The following FDXR variants were observed in gnomAD, a reference collection of about 807,000 sequenced individuals.
The protein encoded by FDXR is ferredoxin reductase.
Under a neutral mutation model 58.3 loss-of-function variants are expected in FDXR, and 38 were observed. That is an observed-to-expected ratio of 0.65 (90% CI 0.50 to 0.85). FDXR has a LOEUF of 0.85. Ranked by LOEUF, FDXR falls within the 40% of genes least tolerant of loss-of-function variation. The pLI, the probability that FDXR is intolerant of heterozygous loss-of-function variation, is 0.00. For synonymous variants in FDXR, 275 were observed against 273.8 expected (o/e 1.00, Z -0.04); for missense variants, 624 against 671.0 (o/e 0.93, Z 0.77).
intron 3 of FDXR, 49 bp from the exon 4 acceptor site, chr17:74,866,617 A>G: frequency 6.2e-7 from 1 of 1,612,278 alleles, no homozygotes; most frequent in Non-Finnish European, 8.5e-7. Flanking sequence ...AGGCAGCTCC[A>G]GGGACCAAGT....
In FDXR at chr17:74,864,857, C is replaced by T; in HGVS notation, c.684G>A (p.Arg228=). The T allele has an allele frequency of 6.2e-7, 1 of 1,614,150 alleles. No individual in the cohort carries two copies. The highest frequency in any genetic ancestry group is 8.5e-7 in the Non-Finnish European group (1 of 1,180,014). ...TGAAGGCCACTTGCAGGGGTCCACGCCGGCCCACTAGCCACACTGTCTTCA... is the reference window on the plus strand; with the variant it reads ...TGAAGGCCACTTGCAGGGGTCCACGTCGGCCCACTAGCCACACTGTCTTCA... ...SRVKTVWLVG[R]RGPLQVAFTI... The change falls in exon 7 of 12, where the codon CGG becomes CGA. Residue 228 remains arginine (R), a synonymous_variant. Coordinates refer to ENST00000293195, the MANE Select transcript of FDXR (RefSeq NM_024417.5).
In FDXR at chr17:74,866,061, C is replaced by A; in HGVS notation, c.507+70G>T. 17 of 1,215,938 alleles carry A rather than the reference C, an allele frequency of 1.4e-5. 1 individual carries two copies. Among genetic ancestry groups the A allele is most frequent in the Non-Finnish European group, 2.0e-5 (17 of 832,962 alleles). The allele number at this position is 1,215,938 out of a possible 1,614,324, so 75.3% of individuals were successfully genotyped here. A position where few individuals can be genotyped will look rare whatever the true frequency, so the allele number is the denominator to read the frequency against. ...CGCCACTGGATGGCAGCTCCCTCTT[C>A]CCCCAGGTCTGGCATCCAAGGGCTG... On this transcript the variant is annotated intron_variant, in intron 5 of 11. Transcript: ENST00000293195.
At chr17:74,871,725 TGAA>T (rs2038380019) in intron 2 of FDXR, among the ~76,000 whole-genome samples, 1 of 151,952 alleles carries the variant, frequency 6.6e-6, no homozygotes, top group African/African-American at 2.4e-5. Flanking sequence ...GGAGGGAAGA[TGAA>T]GGAGGACAAA....
intron 4 of FDXR, 59 bp downstream of exon 4, chr17:74,866,387 A>C (rs2038183350): frequency 6.3e-7 from 1 of 1,599,590 alleles, no homozygotes; most frequent in African/African-American, 1.3e-5. Flanking sequence ...TTCCACCCCG[A>C]GCCACCGGCC....
chr17:74,870,774 G>C (rs1446317554), intron 2 of FDXR, among the ~76,000 whole-genome samples: 2 of 149,760 alleles, frequency 1.3e-5, no homozygotes, highest in Non-Finnish European at 3.0e-5. Flanking sequence ...TCTGCTTCAA[G>C]GCAGCTCAAA....
rs765580511 is a variant in FDXR at position 74,864,136 on chromosome 17, C to T, written c.1002+12G>A. On this transcript the variant is annotated intron_variant, in intron 9 of 11. Transcript: ENST00000293195. The stretch of plus-strand genomic sequence containing the variant: ...CTGGGAAGGGGGTGTCTTTGGGAAA[C>T]ATGAGACTCACCTCCAGTCTAGTGA... The T allele has an allele frequency of 1.2e-6, 2 of 1,612,962 alleles. No homozygotes were observed. The highest frequency in any genetic ancestry group is 4.5e-5 in the East Asian group (2 of 44,888).
rs1435534758 is a variant in FDXR, at chr17:74,862,643, G to T, written c.*174C>A. 2 of 856,026 alleles carry T rather than the reference G, an allele frequency of 2.3e-6. No individual in the cohort carries two copies. Among genetic ancestry groups the T allele is most frequent in the East Asian group, 2.7e-5 (1 of 36,806 alleles). 53.0% of individuals were successfully genotyped at this position (856,026 alleles called of 1,614,324 possible). On this transcript the variant is annotated 3_prime_UTR_variant, in exon 12 of 12. Coordinates refer to ENST00000293195, the MANE Select transcript of FDXR (RefSeq NM_024417.5). The stretch of plus-strand genomic sequence containing the variant: ...CTCAGTTGCTGAAAGCTAAAACCTT[G>T]CGCGCAAGGGCGACCTTCCCCAGGA...
chr17:74,864,476 T>TCA lies in FDXR; in HGVS notation c.802+2_802+3dup, dbSNP rs1326092382. The TCA allele has an allele frequency of 6.2e-7, 1 of 1,613,460 alleles. No homozygotes were observed. Among genetic ancestry groups the TCA allele is most frequent in the Non-Finnish European group, 8.5e-7 (1 of 1,179,504 alleles). ...AGTTGGGGGGCCAGGCCAGGGCCCCTCACCCTTGATCTTGTCCTGGAGACC... is the reference window on the plus strand; with the variant it reads ...AGTTGGGGGGCCAGGCCAGGGCCCCTCACACCCTTGATCTTGTCCTGGAGACC... On this transcript the variant is annotated splice_donor_region_variant and intron_variant, in intron 8 of 11. Transcript: ENST00000293195.
intron 11 of FDXR, 55 bp downstream of exon 11, chr17:74,863,021 C>T: frequency 6.2e-7 from 1 of 1,601,780 alleles, no homozygotes; most frequent in South Asian, 1.1e-5. Flanking sequence ...AAGAGTGAGG[C>T]CCAGAGAAGG....
chr17:74,872,283 G>T (rs1334526504), intron 1 of FDXR, 150 bp from the exon 2 acceptor site: 1 of 1,536,826 alleles, frequency 6.5e-7, no homozygotes, highest in Admixed American at 2.0e-5. Flanking sequence ...TTTGGCATTT[G>T]CAGGGTCTCT....
Position 74,862,943 on chromosome 17 carries a change from G to C in FDXR, c.1350C>G (p.Val450=). ...CCCAGTCTGAGAAAGAGACTGGCCG[G>C]ACCCCTGAAGCAGAGGGGAGATTGT... ...AIQALLSSRG[V]RPVSFSDWEK... is the part of the protein sequence containing the mutation. Residue 450 remains valine, a synonymous_variant, in exon 12 of 12, where the codon GTC becomes GTG. Coordinates refer to ENST00000293195, the MANE Select transcript of FDXR (RefSeq NM_024417.5). The C allele has an allele frequency of 6.2e-7, 1 of 1,611,652 alleles. No individual in the cohort carries two copies. The highest frequency in any genetic ancestry group is 1.1e-5 in the South Asian group (1 of 91,084).
chr17:74,869,221 G>A (rs142332417), intron 2 of FDXR, among the ~76,000 whole-genome samples: 10 of 152,218 alleles, frequency 6.6e-5, no homozygotes, highest in South Asian at 2.1e-4. Flanking sequence ...ATCTACAGCT[G>A]TGGGCACAAG....
intron 2 of FDXR, among the ~76,000 whole-genome samples, chr17:74,867,306 C>CAAAAAAAAA (rs56079045): frequency 1.2e-4 from 2 of 16,544 alleles, no homozygotes; most frequent in African/African-American, 3.9e-4. Flanking sequence ...GACTCTGTCT[C>CAAAAAAAAA]AAAAAAAAAA....
At chr17:74,872,384 A>G (rs777520232) in intron 1 of FDXR, 5 of 934,768 alleles carry the variant, frequency 5.3e-6, no homozygotes, top group Non-Finnish European at 8.0e-6. Context: ...GGCCTGCCCA[A>G]CAACACTTCA....
Position 74,862,891 on chromosome 17 carries a change from G to T in FDXR, c.1402C>A (p.Arg468=). The change falls in exon 12 of 12, where the codon CGG becomes AGG. Residue 468 remains arginine (R), a synonymous_variant. Coordinates refer to ENST00000293195, the MANE Select transcript of FDXR (RefSeq NM_024417.5). The part of the protein sequence containing the change: ...WEKLDAEEVA[R]GQGTGKPREK... ...CTGGGCTTCCCCGTGCCCTGGCCCC[G>T]GGCCACCTCCTCGGCATCCAGCTTC... 1 of 1,613,194 alleles carries T rather than the reference G, an allele frequency of 6.2e-7. No individual in the cohort carries two copies.
At chr17:74,868,155 G>T in intron 2 of FDXR, 1 of 213,206 alleles carries the variant, frequency 4.7e-6, no homozygotes, top group Non-Finnish European at 8.8e-6. Flanking sequence ...CCCACCTCCT[G>T]CCTCTCTCCA....
intron 5 of FDXR, 66 bp downstream of exon 5, chr17:74,866,065 C>G: frequency 2.4e-6 from 3 of 1,246,302 alleles, no homozygotes; most frequent in Admixed American, 3.5e-5. Flanking sequence ...CCTCTTCCCC[C>G]AGGTCTGGCA....
intron 1 of FDXR, 174 bp from the exon 2 acceptor site, chr17:74,872,307 C>T: frequency 3.3e-6 from 5 of 1,533,296 alleles, no homozygotes; most frequent in Non-Finnish European, 4.4e-6. Context: ...TTCATCTGAA[C>T]CCCCAAAGGC....
intron 10 of FDXR, 136 bp from the exon 11 acceptor site, chr17:74,863,382 T>A: frequency 8.5e-6 from 7 of 827,556 alleles, no homozygotes; most frequent in Non-Finnish European, 1.3e-5. Context: ...CTGAGCCTGC[T>A]GTGGCCGCTG....
Sources: gnomAD v4.1 joint callset for allele counts (sites outside exome capture counted in the v4.1 genomes callset) on GRCh38, gnomAD v4.1.1 for gene constraint, MANE v1.5 for transcripts, NCBI Gene and HGNC (gene_info 2026-07-23, HGNC 2026-07-21) for gene names.